DAPK2: variants seen among roughly 807,000 people sequenced by gnomAD.
DAPK2 encodes death associated protein kinase 2.
DAPK2 carries 35 observed loss-of-function variants against 44.1 expected under a neutral mutation model. That is an observed-to-expected ratio of 0.79 (90% CI 0.61 to 1.05). The LOEUF is 1.05. DAPK2 is among the 50% of genes least tolerant of loss of function. The probability of loss-of-function intolerance (pLI) is 0.00; values close to 1 mark genes in which losing one functional copy is unlikely to be tolerated. For synonymous variants in DAPK2, 174 were observed against 182.6 expected, an observed-to-expected ratio of 0.95 and a Z score of 0.38; for missense variants, 453 against 483.2, an observed-to-expected ratio of 0.94 and a Z score of 0.59.
At chr15:63,970,347 T>G (rs2078177406) in intron 3 of DAPK2, among the ~76,000 whole-genome samples, 1 of 152,216 alleles carries the variant, frequency 6.6e-6, no homozygotes, top group Non-Finnish European at 1.5e-5. Flanking sequence ...CCATGTATTC[T>G]GCTGGCCTTT....
chr15:63,998,708 C>T (rs2079011288), intron 1 of DAPK2, among the ~76,000 whole-genome samples: 1 of 152,216 alleles, frequency 6.6e-6, no homozygotes, highest in Non-Finnish European at 1.5e-5. Flanking sequence ...GCTTGGCATC[C>T]TCCCCCTTGC....
intron 2 of DAPK2, among the ~76,000 whole-genome samples, chr15:63,979,637 G>T (rs1382386513): frequency 6.6e-6 from 1 of 152,206 alleles, no homozygotes; most frequent in Non-Finnish European, 1.5e-5. Flanking sequence ...ATGAGGCTGG[G>T]TGCGGTGGCT....
intron 1 of DAPK2, among the ~76,000 whole-genome samples, chr15:64,002,714 T>G (rs1031296513): frequency 2.0e-5 from 3 of 152,184 alleles, no homozygotes; most frequent in African/African-American, 7.2e-5. Context: ...CCCATCAATC[T>G]CACACACAGA....
intron 1 of DAPK2, among the ~76,000 whole-genome samples, chr15:64,017,630 C>T (rs2079566143): frequency 6.6e-6 from 1 of 152,222 alleles, no homozygotes; most frequent in Non-Finnish European, 1.5e-5. Context: ...AGCTGTGTCT[C>T]CAGGCCACTT....
chr15:63,983,495 T>C, intron 2 of DAPK2, 38 bp downstream of exon 3: 1 of 1,593,844 alleles, frequency 6.3e-7, no homozygotes, highest in Non-Finnish European at 8.6e-7. Context: ...CTGCCCCTGC[T>C]GCCCCCCAAC....
chr15:64,034,651 T>G (rs2080125340), intron 1 of DAPK2, among the ~76,000 whole-genome samples: 1 of 48,880 alleles, frequency 2.0e-5, no homozygotes, highest in Non-Finnish European at 5.4e-5. Flanking sequence ...AGTTCTTATC[T>G]GTTTGTTCGT....
At chr15:64,043,082 T>A (rs2080385527), upstream of DAPK2, among the ~76,000 whole-genome samples, 1 of 152,214 alleles carries the variant, frequency 6.6e-6, no homozygotes, top group African/African-American at 2.4e-5. Context: ...TGGCACATTG[T>A]CTTAGCTGAG....
chr15:63,945,724 C>A (rs972027845), intron 3 of DAPK2, among the ~76,000 whole-genome samples: 4 of 152,182 alleles, frequency 2.6e-5, no homozygotes, highest in African/African-American at 4.8e-5. Context: ...TGGGCCTCAG[C>A]CCCCCAACTG....
intron 3 of DAPK2, among the ~76,000 whole-genome samples, chr15:63,957,411 G>T (rs1161437853): frequency 1.3e-5 from 2 of 151,908 alleles, no homozygotes; most frequent in African/African-American, 4.8e-5. Flanking sequence ...CAACGCGCAG[G>T]TTTGTTACAT....
intron 1 of DAPK2, among the ~76,000 whole-genome samples, chr15:63,987,916 G>A (rs992425758): frequency 6.6e-6 from 1 of 152,074 alleles, no homozygotes; most frequent in African/African-American, 2.4e-5. Flanking sequence ...CACTTCCCAG[G>A]GTTGTTTGGG....
rs2078709944 is a variant in DAPK2, at chr15:63,908,788, G to A, written c.1033-188C>T. 2.4e-6 allele frequency: 1 copy of A among 424,946 alleles called. No individual in the cohort carries two copies. Among genetic ancestry groups the A allele is most frequent in the South Asian group, 5.0e-5 (1 of 19,822 alleles). 26.3% of individuals were successfully genotyped at this position (424,946 alleles called of 1,614,324 possible). A position where few individuals can be genotyped will look rare whatever the true frequency, so the allele number is the denominator to read the frequency against. On this transcript the variant is annotated intron_variant, in intron 10 of 10. Coordinates refer to ENST00000261891, the Ensembl canonical transcript of DAPK2. This position sits in a 1 kb window ranked among gnomAD's most constrained non-coding sequence, Gnocchi z 5.7. ...ATGGGAGGGATCTGAAACGAGGCCA[G>A]ACCAACTGCTTGGAGGAAGGAAAGC...
At chr15:64,002,971 GACCTGT>G (rs762101478) in intron 1 of DAPK2, among the ~76,000 whole-genome samples, 5 of 35,474 alleles carry the variant, frequency 1.4e-4, no homozygotes, top group Admixed American at 6.8e-4. Context: ...TGTGTCGTGG[GACCTGT>G]GTGTGTGTGT....
intron 1 of DAPK2, among the ~76,000 whole-genome samples, chr15:64,010,962 G>A (rs1000284577): frequency 6.6e-6 from 1 of 152,212 alleles, no homozygotes; most frequent in Non-Finnish European, 1.5e-5. Flanking sequence ...CCATGTGGAG[G>A]TGGCTGACTC....
intron 3 of DAPK2, among the ~76,000 whole-genome samples, chr15:63,969,184 TG>T (rs1358472100): frequency 6.6e-6 from 1 of 150,870 alleles, no homozygotes. Flanking sequence ...TTTGGGAGGC[TG>T]AAGTGGGCAG....
Position 63,932,922 on chromosome 15 carries a change from C to T in DAPK2, c.584-2467G>A, listed in dbSNP as rs184406478. On this transcript the variant is annotated intron_variant, in intron 4 of 10. Coordinates refer to ENST00000261891, the Ensembl canonical transcript of DAPK2. ...TGCTTTTTACATTTTCACTGCTATACGGTAATCCATCGTGTGAATGTGTAT... is the reference window on the plus strand; with the variant it reads ...TGCTTTTTACATTTTCACTGCTATATGGTAATCCATCGTGTGAATGTGTAT... Among the ~76,000 whole-genome samples the T allele has an allele frequency of 1.7e-3, 255 of 152,330 alleles. 3 individuals are homozygous for T. Among genetic ancestry groups the T allele is most frequent in the Admixed American group, 7.1e-3 (108 of 15,296 alleles).
Position 63,980,952 on chromosome 15 carries a change from T to C in DAPK2, c.314+2581A>G, listed in dbSNP as rs2078490406. Among the ~76,000 whole-genome samples, 1 of 151,912 alleles carries C rather than the reference T, an allele frequency of 6.6e-6. No homozygotes were observed. Among genetic ancestry groups the C allele is most frequent in the Non-Finnish European group, 1.5e-5 (1 of 67,974 alleles). ...TAAAAATACAAAAATTAGCTGGGTG[T>C]GGTGGTGGGTGCCTGTAATTCCAGC... On this transcript the variant is annotated intron_variant, in intron 2 of 10. Transcript: ENST00000261891. The surrounding 1 kb of genome is among the most constrained non-coding windows in gnomAD (Gnocchi z 4.3).
At chr15:64,000,188 CA>C (rs763477315) in intron 1 of DAPK2, among the ~76,000 whole-genome samples, 7,184 of 46,428 alleles carry the variant, frequency 0.15, 311 homozygotes, top group African/African-American at 0.2. Context: ...ACTACTACTA[CA>C]CACACACACA....
intron 6 of DAPK2, among the ~76,000 whole-genome samples, chr15:63,927,334 T>C (rs1314896110): frequency 6.6e-6 from 1 of 152,052 alleles, no homozygotes; most frequent in African/African-American, 2.4e-5. Context: ...ACACTTAAGG[T>C]TTACCGTTCC....
Position 63,917,938 on chromosome 15 carries a change from C to T in DAPK2, c.859-5741G>A, listed in dbSNP as rs1182492085. The stretch of plus-strand genomic sequence containing the variant: ...ATCTAGTTGGCTGGGTCCCCATCTG[C>T]CCCAGACACTGAATCTTTTATTTGA... On this transcript the variant is annotated intron_variant, in intron 8 of 10. Coordinates refer to ENST00000261891, the Ensembl canonical transcript of DAPK2. This position sits in a 1 kb window ranked among gnomAD's most constrained non-coding sequence, Gnocchi z 4.4. The T allele has an allele frequency of 6.6e-6, 1 of 152,196 alleles. No individual in the cohort carries two copies. The highest frequency in any genetic ancestry group is 1.5e-5 in the Non-Finnish European group (1 of 68,048). 9.4% of individuals were successfully genotyped at this position (152,196 alleles called of 1,614,324 possible). A position where few individuals can be genotyped will look rare whatever the true frequency, so the allele number is the denominator to read the frequency against.
Sources: allele counts gnomAD v4.1 joint callset (sites outside exome capture counted in the v4.1 genomes callset), GRCh38; gene constraint gnomAD v4.1.1; non-coding constraint Gnocchi (gnomAD v3.1); transcripts MANE v1.5; gene names NCBI Gene and HGNC (gene_info 2026-07-23, HGNC 2026-07-21).